TRIM24: variants seen among roughly 807,000 people sequenced by gnomAD.
TRIM24 encodes the protein tripartite motif containing 24.
In TRIM24, 29 loss-of-function variants were observed where a neutral mutation model predicts 123.9. That is an observed-to-expected ratio of 0.23 (90% CI 0.17 to 0.32). The LOEUF is 0.32. TRIM24 is among the 10% of genes least tolerant of loss of function. TRIM24 has a pLI of 1.00. For synonymous variants in TRIM24, 456 were observed against 461.1 expected (o/e 0.99, Z 0.14); for missense variants, 932 against 1,295.3 (o/e 0.72, Z 4.31).
chr7:138,463,954 A>G (rs1240134504), intron 1 of TRIM24, among the ~76,000 whole-genome samples: 1 of 132,910 alleles, frequency 7.5e-6, no homozygotes, highest in East Asian at 2.1e-4. Flanking sequence ...CTCCTTGCAT[A>G]CTTATTTTAA....
Position 138,587,304 on chromosome 7 carries a change from G to C in TRIM24, c.*2353G>C, listed in dbSNP as rs2116704341. 6.6e-6 allele frequency: 1 copy of C among 152,348 alleles called. No individual in the cohort carries two copies. Among genetic ancestry groups the C allele is most frequent in the East Asian group, 1.9e-4 (1 of 5,188 alleles). 9.4% of individuals were successfully genotyped at this position (152,348 alleles called of 1,614,324 possible). On this transcript the variant is annotated 3_prime_UTR_variant, in exon 19 of 19. Transcript: ENST00000343526. ...GGAGGCAGAAGTTGCAGTGAGCCAA[G>C]ATCTCACCATTGCACTCCAGCCTGA...
chr7:138,567,396 C>G, intron 9 of TRIM24, 85 bp from the exon 10 acceptor site: 1 of 1,229,546 alleles, frequency 8.1e-7, no homozygotes, highest in Non-Finnish European at 1.1e-6. Flanking sequence ...TTCTATTTTT[C>G]TGTAAAAGTT....
At chr7:138,561,704 C>T (rs1312285895) in intron 9 of TRIM24, among the ~76,000 whole-genome samples, 1 of 152,136 alleles carries the variant, frequency 6.6e-6, no homozygotes, top group Admixed American at 6.5e-5. Flanking sequence ...TGAATTAGGA[C>T]CCCTATAGCA....
At chr7:138,513,776 T>TAC (rs145178847) in intron 2 of TRIM24, among the ~76,000 whole-genome samples, 3 of 152,170 alleles carry the variant, frequency 2.0e-5, no homozygotes, top group African/African-American at 7.2e-5. Context: ...GCAGTAGCAT[T>TAC]ACACACACAC....
intron 7 of TRIM24, among the ~76,000 whole-genome samples, chr7:138,542,449 G>C (rs554034302): frequency 1.3e-5 from 2 of 152,182 alleles, no homozygotes; most frequent in Admixed American, 1.3e-4. Context: ...GGTGTGGTTT[G>C]TGGTGTCCCA....
chr7:138,506,968 G>C (rs1796164359), intron 2 of TRIM24, among the ~76,000 whole-genome samples: 1 of 152,068 alleles, frequency 6.6e-6, no homozygotes, highest in Admixed American at 6.6e-5. Flanking sequence ...TGCCTGATTG[G>C]GTGTGGAAGG....
intron 1 of TRIM24, among the ~76,000 whole-genome samples, chr7:138,499,667 T>A (rs945650281): frequency 5.9e-5 from 9 of 152,160 alleles, no homozygotes; most frequent in Admixed American, 2.6e-4. Flanking sequence ...CCTCCTTGTC[T>A]CAGGATGCTT....
At chr7:138,508,708 C>CGTGTGCGTGTGTGTGT (rs1554436685) in intron 2 of TRIM24, among the ~76,000 whole-genome samples, 1 of 136,194 alleles carries the variant, frequency 7.3e-6, no homozygotes, top group Non-Finnish European at 1.6e-5. Flanking sequence ...CGCGTGTGTG[C>CGTGTGCGTGTGTGTGT]GTGTGTGTGT....
At chr7:138,464,378 G>C (rs898983936) in intron 1 of TRIM24, among the ~76,000 whole-genome samples, 4 of 151,792 alleles carry the variant, frequency 2.6e-5, no homozygotes, top group Admixed American at 2.6e-4. Context: ...GTGAGTACAG[G>C]CATCACAAGT....
At chr7:138,546,093 TTAG>T (rs1421134876) in intron 7 of TRIM24, among the ~76,000 whole-genome samples, 1 of 152,124 alleles carries the variant, frequency 6.6e-6, no homozygotes. Flanking sequence ...GAACAGAGTA[TTAG>T]TAGAATCTCA....
At chr7:138,551,306 C>T (rs1392112359) in intron 8 of TRIM24, 126 bp downstream of exon 8, 2 of 807,872 alleles carry the variant, frequency 2.5e-6, no homozygotes, top group Non-Finnish European at 4.1e-6. Flanking sequence ...AATCCTAGCA[C>T]TTTGGGATCT....
chr7:138,563,206 T>C (rs1296403514), intron 9 of TRIM24, among the ~76,000 whole-genome samples: 3 of 152,188 alleles, frequency 2.0e-5, no homozygotes, highest in Non-Finnish European at 4.4e-5. Flanking sequence ...CTTGTCCTTA[T>C]ATTCTTCAGT....
chr7:138,564,143 T>G (rs1205783123), intron 9 of TRIM24, among the ~76,000 whole-genome samples: 1 of 152,152 alleles, frequency 6.6e-6, no homozygotes, highest in African/African-American at 2.4e-5. Flanking sequence ...GTGTTTCCAG[T>G]TTAGGAGATC....
chr7:138,515,404 GTCTTT>G, intron 3 of TRIM24, 45 bp downstream of exon 3: 1 of 1,587,224 alleles, frequency 6.3e-7, no homozygotes, highest in Non-Finnish European at 8.6e-7. Context: ...ATCTTTCCCC[GTCTTT>G]TCTTCCTTCC....
At chr7:138,471,069 GT>G (rs1163126858) in intron 1 of TRIM24, among the ~76,000 whole-genome samples, 3 of 152,198 alleles carry the variant, frequency 2.0e-5, no homozygotes, top group African/African-American at 7.2e-5. Flanking sequence ...CTAACAAGAA[GT>G]GGGCCTAAAA....
chr7:138,493,307 C>G (rs1795835572), intron 1 of TRIM24, among the ~76,000 whole-genome samples: 1 of 152,056 alleles, frequency 6.6e-6, no homozygotes. Flanking sequence ...ATTTATAATT[C>G]GTTTGTTGAG....
chr7:138,487,577 G>A (rs1031799671), intron 1 of TRIM24, among the ~76,000 whole-genome samples: 6 of 152,182 alleles, frequency 3.9e-5, no homozygotes, highest in East Asian at 1.9e-4. Context: ...TTTGTCAAAG[G>A]CCTTTTCTGC....
intron 1 of TRIM24, among the ~76,000 whole-genome samples, chr7:138,499,921 G>T (rs1187202547): frequency 6.6e-6 from 1 of 151,326 alleles, no homozygotes; most frequent in Non-Finnish European, 1.5e-5. Context: ...TAGTGGTATT[G>T]ACAGGACCAC....
rs138521444 is a variant in TRIM24 at position 138,518,189 on chromosome 7, A to G, written c.632-1000A>G. ...AAGAATGAGATGGATACATATACTA[A>G]TACAGAAAGTCATCTAAGGTAGAGT... On this transcript the variant is annotated intron_variant, in intron 3 of 18. Transcript: ENST00000343526. 3.6e-3 allele frequency among the ~76,000 whole-genome samples: 548 copies of G among 152,334 alleles called. 2 individuals carry two copies. Among genetic ancestry groups the G allele is most frequent in the African/African-American group, 0.013 (520 of 41,580 alleles).
Sources: allele counts gnomAD v4.1 joint callset (sites outside exome capture counted in the v4.1 genomes callset), GRCh38; gene constraint gnomAD v4.1.1; transcripts MANE v1.5; gene names NCBI Gene and HGNC (gene_info 2026-07-23, HGNC 2026-07-21).